The following CHD2 variants were observed in gnomAD, a reference collection of about 807,000 sequenced individuals.
CHD2 encodes chromodomain helicase DNA binding protein 2, also known as ATP-dependent chromatin remodeler CHD2.
CHD2 carries 28 observed loss-of-function variants against 243.9 expected under a neutral mutation model. That is an observed-to-expected ratio of 0.11 (90% CI 0.09 to 0.16). The LOEUF (loss-of-function observed/expected upper bound fraction) is 0.16, where lower values mean the gene tolerates loss of function less well. Among genes scored for constraint, CHD2 ranks in the 10% least tolerant of loss-of-function variants. The pLI is 1.00. For synonymous variants in CHD2, 775 were observed against 779.0 expected (o/e 0.99, Z 0.09); for missense variants, 1,386 against 2,209.8 (o/e 0.63, Z 7.47).
chr15:92,987,674 CT>C lies in CHD2; in HGVS notation c.3413+2009del, dbSNP rs747166258. ...TTAAAAATATTTTTTCTGCCAATCT[CT>C]TTTTTTTGATTGCAGTATTTAATCT... is the stretch of plus-strand genomic sequence containing the variant. On this transcript the variant is annotated intron_variant, in intron 26 of 38. Coordinates refer to ENST00000394196, the MANE Select transcript of CHD2 (RefSeq NM_001271.4). Among the ~76,000 whole-genome samples, 126 of 150,586 alleles carry C rather than the reference CT, an allele frequency of 8.4e-4. 2 individuals carry two copies. Among genetic ancestry groups the C allele is most frequent in the African/African-American group, 2.3e-3 (94 of 41,134 alleles).
chr15:92,937,500 T>G lies in CHD2; in HGVS notation c.444-18T>G. 1 of 1,555,382 alleles carries G rather than the reference T, an allele frequency of 6.4e-7. No individual in the cohort carries two copies. The highest frequency in any genetic ancestry group is 8.7e-7 in the Non-Finnish European group (1 of 1,151,434). On this transcript the variant is annotated intron_variant, in intron 5 of 38. Coordinates refer to ENST00000394196, the MANE Select transcript of CHD2 (RefSeq NM_001271.4). ...ATTCTTTTAGAAAAAAATTACTTTG[T>G]TTTGCTTTTGATCACAGAGAAAAAT... is the stretch of plus-strand genomic sequence containing the variant.
chr15:93,017,807 A>C (rs901770371), intron 37 of CHD2, among the ~76,000 whole-genome samples: 7 of 152,176 alleles, frequency 4.6e-5, no homozygotes, highest in African/African-American at 1.7e-4. Context: ...AAAGAAAGCT[A>C]ATGATTTTGC....
intron 31 of CHD2, among the ~76,000 whole-genome samples, chr15:93,000,112 A>G (rs1225281628): frequency 2.6e-5 from 4 of 152,146 alleles, no homozygotes; most frequent in South Asian, 2.1e-4. Flanking sequence ...CACACAAAAA[A>G]TTAGCCAGTG....
chr15:92,922,984 A>G (rs2052988407), intron 2 of CHD2, among the ~76,000 whole-genome samples: 1 of 152,122 alleles, frequency 6.6e-6, no homozygotes, highest in African/African-American at 2.4e-5. Context: ...TGGAATGAAG[A>G]AGGGAAGGGA....
rs1304008714 is a variant in CHD2, at chr15:92,939,700, G to A, written c.674G>A (p.Arg225Lys). The A allele has an allele frequency of 1.9e-6, 3 of 1,613,840 alleles. No individual in the cohort carries two copies. Among genetic ancestry groups the A allele is most frequent in the African/African-American group, 2.7e-5 (2 of 75,034 alleles). Residue 225 changes from arginine (R) to lysine (K), a missense_variant, in exon 7 of 39, where the codon AGA becomes AAA. Around this residue, in one of 19 missense-constraint regions of CHD2, gnomAD observed 200 missense variants for 292.5 expected, o/e 0.68. Coordinates refer to ENST00000394196, the MANE Select transcript of CHD2 (RefSeq NM_001271.4). ...GCTCCCAAAAGGCAGACTCGTCGAA[G>A]AGCGGCTAAAAACGTTAGGTAAGTT... Reference protein sequence around the residue: ...DEAPKRQTRRRAAKNVSYKED... With the variant: ...DEAPKRQTRRKAAKNVSYKED...
intron 2 of CHD2, among the ~76,000 whole-genome samples, chr15:92,921,622 G>A (rs1416368101): frequency 2.0e-5 from 3 of 152,198 alleles, no homozygotes; most frequent in Non-Finnish European, 2.9e-5. Flanking sequence ...GGATTGTGGG[G>A]TAACGACTCA....
In CHD2 at chr15:93,018,742, C is replaced by G. The variant is rs80326102; in HGVS notation, c.4907-1270C>G. On this transcript the variant is annotated intron_variant, in intron 37 of 38. Transcript: ENST00000394196. Reference sequence around the variant, plus strand: ...CAGTTCTTGGCGTTCTTGACTCACGCCGATTTCTGCCTCCATCTTTGCATA... The same window carrying G: ...CAGTTCTTGGCGTTCTTGACTCACGGCGATTTCTGCCTCCATCTTTGCATA... Among the ~76,000 whole-genome samples, 784 of 152,348 alleles carry G rather than the reference C, an allele frequency of 5.1e-3. 9 individuals are homozygous for G. Among genetic ancestry groups the G allele is most frequent in the African/African-American group, 0.018 (736 of 41,584 alleles).
At chr15:92,933,534 T>A (rs2053213277) in intron 5 of CHD2, among the ~76,000 whole-genome samples, 1 of 152,242 alleles carries the variant, frequency 6.6e-6, no homozygotes, top group African/African-American at 2.4e-5. Flanking sequence ...TTTCATGCAT[T>A]ACCTCTTAAT....
intron 5 of CHD2, among the ~76,000 whole-genome samples, chr15:92,931,637 A>T (rs559920922): frequency 6.6e-6 from 1 of 152,166 alleles, no homozygotes; most frequent in Admixed American, 6.5e-5. Flanking sequence ...GCTCTCCAAA[A>T]GTGTTGGGAT....
intron 17 of CHD2, among the ~76,000 whole-genome samples, chr15:92,967,786 C>T (rs1017542909): frequency 4.6e-5 from 7 of 151,902 alleles, no homozygotes; most frequent in African/African-American, 1.7e-4. Context: ...ACCTCGGCCT[C>T]CCAACGTTTT....
intron 17 of CHD2, among the ~76,000 whole-genome samples, chr15:92,968,322 GA>G (rs1414931416): frequency 2.0e-5 from 3 of 152,084 alleles, no homozygotes; most frequent in Non-Finnish European, 4.4e-5. Flanking sequence ...AGTAGTTTGA[GA>G]CCAGCCTGGG....
At chr15:92,959,326 A>T (rs558648923) in intron 16 of CHD2, among the ~76,000 whole-genome samples, 71 of 152,310 alleles carry the variant, frequency 4.7e-4, no homozygotes, top group Non-Finnish European at 6.0e-4. Flanking sequence ...GTTGAAAAGA[A>T]TATCTGTTCT....
chr15:92,910,803 A>T (rs115856487), intron 2 of CHD2, among the ~76,000 whole-genome samples: 20 of 152,168 alleles, frequency 1.3e-4, no homozygotes, highest in African/African-American at 3.1e-4. Flanking sequence ...TTGTACGGTC[A>T]TGTGTTGCTT....
rs1296125794 is a variant in CHD2 at position 92,955,527 on chromosome 15, T to C, written c.1809+15T>C. The C allele has an allele frequency of 6.5e-7, 1 of 1,531,688 alleles. No homozygotes were observed. The allele number at this position is 1,531,688 out of a possible 1,614,324, so 94.9% of individuals were successfully genotyped here. A position where few individuals can be genotyped will look rare whatever the true frequency, so the allele number is the denominator to read the frequency against. On this transcript the variant is annotated intron_variant, in intron 15 of 38. Coordinates refer to ENST00000394196, the MANE Select transcript of CHD2 (RefSeq NM_001271.4). ...TGAAAGATAAGGTGTGTAATTAATATCTAAAAGGCTAAATCTTTTCCAGTG... is the reference window on the plus strand; with the variant it reads ...TGAAAGATAAGGTGTGTAATTAATACCTAAAAGGCTAAATCTTTTCCAGTG...
chr15:93,008,471 G>A (rs575411050), intron 34 of CHD2, among the ~76,000 whole-genome samples: 34 of 152,256 alleles, frequency 2.2e-4, no homozygotes, highest in African/African-American at 4.6e-4. Context: ...AAGACACCTC[G>A]CCGTTGGGGG....
chr15:93,026,650 G>T lies in CHD2; in HGVS notation c.*1945G>T, dbSNP rs1267503730. 1 of 152,262 alleles carries T rather than the reference G, an allele frequency of 6.6e-6. No homozygotes were observed. Among genetic ancestry groups the T allele is most frequent in the African/African-American group, 2.4e-5 (1 of 41,464 alleles). The allele number at this position is 152,262 out of a possible 1,614,324, so 9.4% of individuals were successfully genotyped here. A position where few individuals can be genotyped will look rare whatever the true frequency, so the allele number is the denominator to read the frequency against. ...GCCTGCCGTGACGCTCAGTGGAGAGGGCAGGGCCTGTGTCTCCACTTAGGC... is the reference window on the plus strand; with the variant it reads ...GCCTGCCGTGACGCTCAGTGGAGAGTGCAGGGCCTGTGTCTCCACTTAGGC... On this transcript the variant is annotated 3_prime_UTR_variant, in exon 39 of 39. Transcript: ENST00000394196.
intron 34 of CHD2, among the ~76,000 whole-genome samples, chr15:93,006,946 A>T (rs1405190457): frequency 2.0e-5 from 3 of 152,196 alleles, no homozygotes; most frequent in African/African-American, 4.8e-5. Context: ...TTTTTCCCGT[A>T]TTGGTGGACA....
chr15:92,987,260 A>G (rs1344272864), intron 26 of CHD2, among the ~76,000 whole-genome samples: 1 of 152,138 alleles, frequency 6.6e-6, no homozygotes, highest in Non-Finnish European at 1.5e-5. Flanking sequence ...GTTTGATATT[A>G]GTATAGCCAC....
Position 93,024,581 on chromosome 15 carries a change from G to A in CHD2, c.5363G>A (p.Arg1788His), listed in dbSNP as rs140365508. The stretch of plus-strand genomic sequence containing the variant: ...TTGCACCCTGCAGTCTCAGATCCTC[G>A]CTCACCCCCTTCTCAGAAATCTCCT... ...PPLHPAVSDP[R>H]SPPSQKSPHD... Residue 1788 changes from arginine (R) to histidine (H), a missense_variant, in exon 39 of 39, where the codon CGC (arginine) becomes CAC (histidine). Physicochemically the swap from Arg to His is conservative, Grantham distance 29 (BLOSUM62 0). Around this residue, in one of 19 missense-constraint regions of CHD2, gnomAD observed 347 missense variants for 341.6 expected, o/e 1.02. Coordinates refer to ENST00000394196, the MANE Select transcript of CHD2 (RefSeq NM_001271.4). 96 of 1,614,104 alleles carry A rather than the reference G, an allele frequency of 5.9e-5. No individual in the cohort carries two copies. Among genetic ancestry groups the A allele is most frequent in the Non-Finnish European group, 7.5e-5 (89 of 1,180,034 alleles).
Sources: allele counts gnomAD v4.1 joint callset (sites outside exome capture counted in the v4.1 genomes callset), GRCh38; gene constraint gnomAD v4.1.1; regional missense constraint gnomAD v4.1.1; transcripts MANE v1.5; gene names NCBI Gene and HGNC (gene_info 2026-07-23, HGNC 2026-07-21).